The following GRIN2A variants were observed in gnomAD, a reference collection of about 807,000 sequenced individuals.
GRIN2A encodes the protein glutamate receptor ionotropic, NMDA 2A.
A neutral mutation model predicts 113.4 loss-of-function variants in GRIN2A; 22 were observed. That is an observed-to-expected ratio of 0.19 (90% CI 0.14 to 0.28). The LOEUF is 0.28. GRIN2A is among the 10% of genes least tolerant of loss of function. The pLI is 1.00. For missense variants in GRIN2A, 1,502 were observed against 1,887.0 expected (o/e 0.80, Z 3.78); for synonymous variants, 827 against 738.4 (o/e 1.12, Z -1.94).
intron 2 of GRIN2A, among the ~76,000 whole-genome samples, chr16:10,129,078 C>T (rs1023572916): frequency 3.3e-5 from 5 of 152,066 alleles, no homozygotes; most frequent in South Asian, 2.1e-4. Flanking sequence ...CTACTACGTG[C>T]GTGACTTACT....
intron 5 of GRIN2A, among the ~76,000 whole-genome samples, chr16:9,848,114 T>C (rs1241365760): frequency 2.7e-5 from 4 of 147,612 alleles, no homozygotes; most frequent in Admixed American, 6.8e-5. Flanking sequence ...TATAAACATA[T>C]AGTTTATATA....
rs377576155 is a variant in GRIN2A at position 10,161,365 on chromosome 16, G to C, written c.414+18633C>G. On this transcript the variant is annotated intron_variant, in intron 2 of 12. Coordinates refer to ENST00000330684, the MANE Select transcript of GRIN2A (RefSeq NM_001134407.3). Reference sequence around the variant, plus strand: ...ACCTTTTTCCTTTATAAATTACCCAGTCTTGGGTACGTCTTCATTAGCAGT... The same window carrying C: ...ACCTTTTTCCTTTATAAATTACCCACTCTTGGGTACGTCTTCATTAGCAGT... Among the ~76,000 whole-genome samples, 11 of 152,152 alleles carry C rather than the reference G, an allele frequency of 7.2e-5. No homozygotes were observed. In the East Asian group the frequency reaches 7.7e-4, roughly 11 times the overall value.
Position 10,124,177 on chromosome 16 carries a change from G to A in GRIN2A, c.414+55821C>T, listed in dbSNP as rs1016853995. Among the ~76,000 whole-genome samples the A allele has an allele frequency of 3.3e-5, 5 of 152,248 alleles. No homozygotes were observed. In the East Asian group the frequency reaches 5.8e-4, roughly 18 times the overall value. Reference sequence around the variant, plus strand: ...TCATAGTCTGAGAAGGGCCGTGTGCGTGCCCTTGTGTGTTCCAAAACCTAG... The same window carrying A: ...TCATAGTCTGAGAAGGGCCGTGTGCATGCCCTTGTGTGTTCCAAAACCTAG... On this transcript the variant is annotated intron_variant, in intron 2 of 12. Coordinates refer to ENST00000330684, the MANE Select transcript of GRIN2A (RefSeq NM_001134407.3).
At chr16:10,128,557 C>T (rs954201919) in intron 2 of GRIN2A, among the ~76,000 whole-genome samples, 6 of 152,164 alleles carry the variant, frequency 3.9e-5, no homozygotes, top group Non-Finnish European at 1.5e-5. Flanking sequence ...AGGGCTCCTG[C>T]CACCCCACTC....
chr16:9,938,754 C>T (rs1465896387), intron 2 of GRIN2A, among the ~76,000 whole-genome samples: 2 of 152,290 alleles, frequency 1.3e-5, no homozygotes, highest in East Asian at 3.9e-4. Flanking sequence ...AGCTCATAGC[C>T]AGGTCCTGGA....
At chr16:9,779,707 G>T (rs993297167) in intron 11 of GRIN2A, among the ~76,000 whole-genome samples, 2 of 152,044 alleles carry the variant, frequency 1.3e-5, no homozygotes, top group Non-Finnish European at 2.9e-5. Context: ...GCAGGGCTGG[G>T]TTATGACTTA....
At chr16:10,122,052 G>A (rs2048846512) in intron 2 of GRIN2A, among the ~76,000 whole-genome samples, 1 of 152,172 alleles carries the variant, frequency 6.6e-6, no homozygotes, top group Non-Finnish European at 1.5e-5. Context: ...CCAAGCAGCA[G>A]GGATCCCACT....
chr16:10,099,031 T>C (rs1407939128), intron 2 of GRIN2A, among the ~76,000 whole-genome samples: 1 of 150,936 alleles, frequency 6.6e-6, no homozygotes, highest in Non-Finnish European at 1.5e-5. Context: ...GTTCTCCAAA[T>C]AGTTGTTAAA....
chr16:9,765,985 G>C (rs887015700), intron 12 of GRIN2A, among the ~76,000 whole-genome samples: 1 of 152,156 alleles, frequency 6.6e-6, no homozygotes, highest in Non-Finnish European at 1.5e-5. Context: ...CTGTTCAACT[G>C]TTATCAAGGG....
At chr16:9,951,850 C>A (rs946380783) in intron 2 of GRIN2A, among the ~76,000 whole-genome samples, 2 of 152,092 alleles carry the variant, frequency 1.3e-5, no homozygotes, top group Non-Finnish European at 2.9e-5. Context: ...TGGTTGCAGG[C>A]GAGAGCCCAA....
chr16:10,104,816 G>C (rs1161522810), intron 2 of GRIN2A, among the ~76,000 whole-genome samples: 1 of 152,114 alleles, frequency 6.6e-6, no homozygotes, highest in Non-Finnish European at 1.5e-5. Context: ...TCGACGGCAG[G>C]GTATGAGGAG....
chr16:9,772,734 C>T (rs889499721), intron 11 of GRIN2A, among the ~76,000 whole-genome samples: 10 of 152,024 alleles, frequency 6.6e-5, no homozygotes, highest in Admixed American at 1.3e-4. Context: ...ATCAGATTCC[C>T]AGAACATCTT....
At chr16:10,101,203 G>C (rs2048387838) in intron 2 of GRIN2A, among the ~76,000 whole-genome samples, 2 of 152,226 alleles carry the variant, frequency 1.3e-5, no homozygotes, top group Admixed American at 1.3e-4. Context: ...ATGGTGGTCT[G>C]AAGCTCTCCC....
At chr16:9,997,383 G>T (rs956827257) in intron 2 of GRIN2A, among the ~76,000 whole-genome samples, 3 of 152,154 alleles carry the variant, frequency 2.0e-5, no homozygotes, top group Non-Finnish European at 4.4e-5. Flanking sequence ...CTCTTCCTGT[G>T]TGTAGCCTTC....
intron 12 of GRIN2A, among the ~76,000 whole-genome samples, chr16:9,768,596 C>T (rs1242098510): frequency 2.0e-5 from 3 of 152,202 alleles, no homozygotes; most frequent in Admixed American, 6.5e-5. Context: ...TGAGGTTTAG[C>T]TGCCGTTTCA....
intron 8 of GRIN2A, among the ~76,000 whole-genome samples, chr16:9,833,374 G>A (rs1178348963): frequency 6.6e-6 from 1 of 152,136 alleles, no homozygotes; most frequent in South Asian, 2.1e-4. Flanking sequence ...TATATTTATT[G>A]TCAAACTAAT....
intron 2 of GRIN2A, among the ~76,000 whole-genome samples, chr16:10,082,079 C>A (rs992020136): frequency 6.6e-6 from 1 of 152,340 alleles, no homozygotes; most frequent in Admixed American, 6.5e-5. Context: ...GACACAGTGT[C>A]TTTGCCTGAC....
At chr16:10,071,160 G>C (rs887031229) in intron 2 of GRIN2A, among the ~76,000 whole-genome samples, 1 of 152,216 alleles carries the variant, frequency 6.6e-6, no homozygotes, top group Non-Finnish European at 1.5e-5. Context: ...GCACATGGCT[G>C]AATGTTGAAT....
At position 9,817,225 on chromosome 16, in the gene GRIN2A, G is replaced by T. The variant is rs74008827; in HGVS notation, c.2168+5039C>A. On this transcript the variant is annotated intron_variant, in intron 10 of 12. Transcript: ENST00000330684. The stretch of plus-strand genomic sequence containing the variant: ...CTTTAAAATAGTAGTTCTCAGCTCT[G>T]TTGCACAATGAATAGTGTGTTGGAC... 4.8e-3 allele frequency among the ~76,000 whole-genome samples: 733 copies of T among 152,280 alleles called. 8 individuals are homozygous for T. The highest frequency in any genetic ancestry group is 0.017 in the African/African-American group (694 of 41,562).
Sources: allele counts gnomAD v4.1 joint callset (sites outside exome capture counted in the v4.1 genomes callset), GRCh38; gene constraint gnomAD v4.1.1; transcripts MANE v1.5; gene names NCBI Gene and HGNC (gene_info 2026-07-23, HGNC 2026-07-21).